MAD1L1: variants seen among roughly 807,000 people sequenced by gnomAD.
The protein encoded by MAD1L1 is mitotic arrest deficient 1 like 1, also known as mitotic spindle assembly checkpoint protein MAD1.
MAD1L1 carries 95 observed loss-of-function variants against 96.9 expected under a neutral mutation model. The ratio of observed to expected loss-of-function variants is 0.98; its 90% CI spans 0.83 to 1.16. MAD1L1 has a LOEUF of 1.16. Among genes scored for constraint, MAD1L1 ranks in the 50% most tolerant of loss-of-function variants. The pLI is 0.00. For synonymous variants in MAD1L1, 473 were observed against 396.6 expected (o/e 1.19, Z -2.29); for missense variants, 1,007 against 954.4 (o/e 1.06, Z -0.73).
At chr7:2,157,151 G>C (rs763400945) in intron 10 of MAD1L1, among the ~76,000 whole-genome samples, 1 of 152,184 alleles carries the variant, frequency 6.6e-6, no homozygotes, top group Non-Finnish European at 1.5e-5. Flanking sequence ...ATGGACTTTT[G>C]ATCATTTGAT....
chr7:2,010,327 G>A lies in MAD1L1; in HGVS notation c.1359+4175C>T, dbSNP rs181914816. On this transcript the variant is annotated intron_variant, in intron 13 of 18. Transcript: ENST00000265854. The stretch of plus-strand genomic sequence containing the variant: ...GAAGGGAAGACGGAAACACCGTGAC[G>A]GCCACTTCTGCCTAAATCGTTAGGA... Among the ~76,000 whole-genome samples the A allele has an allele frequency of 3.1e-3, 464 of 152,124 alleles. 5 individuals are homozygous for A. The highest frequency in any genetic ancestry group is 0.011 in the African/African-American group (439 of 41,486).
intron 17 of MAD1L1, among the ~76,000 whole-genome samples, chr7:1,905,530 G>A (rs1225557351): frequency 1.3e-5 from 2 of 151,574 alleles, no homozygotes; most frequent in African/African-American, 2.4e-5. Flanking sequence ...AGGACACAGT[G>A]GCCTATGGAA....
intron 17 of MAD1L1, among the ~76,000 whole-genome samples, chr7:1,923,443 C>CCG (rs1788910411): frequency 6.6e-6 from 1 of 152,206 alleles, no homozygotes; most frequent in Non-Finnish European, 1.5e-5. Context: ...CTGCGCTCTT[C>CCG]CGCCCCGGCA....
intron 13 of MAD1L1, among the ~76,000 whole-genome samples, chr7:2,003,061 A>G (rs1243544739): frequency 1.3e-5 from 2 of 152,268 alleles, no homozygotes; most frequent in African/African-American, 4.8e-5. Flanking sequence ...AGCACACAGG[A>G]AAGTCCGGGA....
At chr7:2,013,737 C>T (rs1039112428) in intron 13 of MAD1L1, among the ~76,000 whole-genome samples, 1 of 152,234 alleles carries the variant, frequency 6.6e-6, no homozygotes, top group Non-Finnish European at 1.5e-5. Flanking sequence ...AGAACACGGG[C>T]CTTTCAAGCT....
chr7:1,879,914 C>T (rs1252856146), intron 18 of MAD1L1, among the ~76,000 whole-genome samples: 1 of 152,084 alleles, frequency 6.6e-6, no homozygotes, highest in African/African-American at 2.4e-5. Flanking sequence ...GTATTTTTAG[C>T]AGAGACGGGA....
Position 2,088,226 on chromosome 7 carries a change from G to A in MAD1L1, c.1074-18888C>T, listed in dbSNP as rs1009522738. 5.3e-5 allele frequency among the ~76,000 whole-genome samples: 8 copies of A among 152,122 alleles called. No individual in the cohort carries two copies. The highest frequency in any genetic ancestry group is 4.4e-5 in the Non-Finnish European group (3 of 68,020). ...TGGATCACACATCGCGCCTCTTCAC[G>A]CCTCCTCACACCCCTGCCTGAAACC... On this transcript the variant is annotated intron_variant, in intron 11 of 18. Transcript: ENST00000265854. This position sits in a 1 kb window ranked among gnomAD's most constrained non-coding sequence, Gnocchi z 4.4.
chr7:2,058,528 AG>A (rs1784482530), intron 12 of MAD1L1, among the ~76,000 whole-genome samples: 1 of 51,390 alleles, frequency 1.9e-5, no homozygotes, highest in Non-Finnish European at 3.7e-5. Flanking sequence ...GGAGAGGCGC[AG>A]GGCTGGAGAG....
chr7:1,871,938 G>A (rs1433928329), intron 18 of MAD1L1, among the ~76,000 whole-genome samples: 2 of 152,206 alleles, frequency 1.3e-5, no homozygotes, highest in Admixed American at 6.5e-5. Flanking sequence ...GAACTACGGT[G>A]GCTCAGAGCC....
intron 5 of MAD1L1, among the ~76,000 whole-genome samples, 153 bp downstream of exon 5, chr7:2,222,422 T>A (rs1328882583): frequency 3.9e-5 from 6 of 152,174 alleles, no homozygotes; most frequent in Non-Finnish European, 7.3e-5. Flanking sequence ...AATGGAAAAT[T>A]AATACTTCTA....
intron 14 of MAD1L1, among the ~76,000 whole-genome samples, chr7:1,993,025 C>T (rs1781416821): frequency 6.6e-6 from 1 of 152,204 alleles, no homozygotes; most frequent in Non-Finnish European, 1.5e-5. Flanking sequence ...CAGAATTACT[C>T]CCATAATTTT....
At chr7:2,036,504 G>C (rs183967867) in intron 12 of MAD1L1, among the ~76,000 whole-genome samples, 1 of 152,188 alleles carries the variant, frequency 6.6e-6, no homozygotes, top group Admixed American at 6.5e-5. Flanking sequence ...CAATCCATCC[G>C]GTCGTGAGTT....
intron 16 of MAD1L1, 75 bp from the exon 17 acceptor site, chr7:1,936,972 A>T: frequency 6.6e-6 from 8 of 1,215,700 alleles, no homozygotes; most frequent in Non-Finnish European, 9.2e-6. Context: ...AGCATGGGTC[A>T]CCATGGCCCA....
At chr7:2,065,150 C>G (rs146987549) in intron 12 of MAD1L1, among the ~76,000 whole-genome samples, 1 of 152,222 alleles carries the variant, frequency 6.6e-6, no homozygotes, top group African/African-American at 2.4e-5. Flanking sequence ...TGAGGGGTCC[C>G]CCCTTGTACT....
intron 12 of MAD1L1, among the ~76,000 whole-genome samples, chr7:2,022,971 A>C (rs1297603845): frequency 6.6e-6 from 1 of 152,234 alleles, no homozygotes; most frequent in Non-Finnish European, 1.5e-5. Flanking sequence ...TAAAAAGGTC[A>C]TTTCTCCAAG....
chr7:1,973,586 C>T (rs1455431425), intron 15 of MAD1L1, among the ~76,000 whole-genome samples: 2 of 152,174 alleles, frequency 1.3e-5, no homozygotes, highest in African/African-American at 2.4e-5. Flanking sequence ...AATGTGTACC[C>T]CACACACGAG....
At chr7:1,855,141 G>C (rs1784180289) in intron 18 of MAD1L1, among the ~76,000 whole-genome samples, 1 of 152,176 alleles carries the variant, frequency 6.6e-6, no homozygotes, top group African/African-American at 2.4e-5. Context: ...CAGCTCTGTG[G>C]TCCTGTCATG....
intron 18 of MAD1L1, among the ~76,000 whole-genome samples, chr7:1,859,336 A>G (rs778919042): frequency 1.3e-5 from 2 of 152,208 alleles, no homozygotes; most frequent in Admixed American, 6.5e-5. Context: ...AGGCGTCTCC[A>G]TATCGGCCCT....
intron 11 of MAD1L1, among the ~76,000 whole-genome samples, chr7:2,100,945 T>TA (rs1342179627): frequency 1.3e-5 from 2 of 152,208 alleles, no homozygotes; most frequent in Non-Finnish European, 2.9e-5. Flanking sequence ...ACGTTGGTGT[T>TA]AAAGTCGTAT....
Sources: allele counts gnomAD v4.1 joint callset (sites outside exome capture counted in the v4.1 genomes callset), GRCh38; gene constraint gnomAD v4.1.1; non-coding constraint Gnocchi (gnomAD v3.1); transcripts MANE v1.5; gene names NCBI Gene and HGNC (gene_info 2026-07-23, HGNC 2026-07-21).